Variants in ADCY2 observed in about 807,000 individuals in gnomAD.
ADCY2 encodes the protein adenylate cyclase 2, also known as adenylate cyclase type 2.
ADCY2 carries 31 observed loss-of-function variants against 125.2 expected under a neutral mutation model. The ratio of observed to expected loss-of-function variants is 0.25; its 90% CI spans 0.19 to 0.33. ADCY2 has a LOEUF of 0.33. ADCY2 is among the 10% of genes least tolerant of loss of function. The probability of loss-of-function intolerance (pLI) is 1.00; values close to 1 mark genes in which losing one functional copy is unlikely to be tolerated. For missense variants in ADCY2, 904 were observed against 1,418.2 expected (o/e 0.64, Z 5.82); for synonymous variants, 512 against 548.4 (o/e 0.93, Z 0.93).
chr5:7,614,793 G>A (rs1171308367), intron 3 of ADCY2, among the ~76,000 whole-genome samples: 1 of 152,226 alleles, frequency 6.6e-6, no homozygotes, highest in African/African-American at 2.4e-5. Flanking sequence ...ACACAGGTTT[G>A]CAGTGACTGC....
intron 3 of ADCY2, 53 bp downstream of exon 3, chr5:7,520,952 G>C: frequency 6.2e-7 from 1 of 1,602,512 alleles, no homozygotes; most frequent in Non-Finnish European, 8.5e-7. Context: ...CCACCAGGGG[G>C]TGAGGCAGGT....
intron 4 of ADCY2, among the ~76,000 whole-genome samples, chr5:7,634,627 A>C (rs1738430509): frequency 6.6e-6 from 1 of 152,186 alleles, no homozygotes; most frequent in Admixed American, 6.5e-5. Context: ...TAGTATTTTT[A>C]CATATATTCT....
At chr5:7,565,666 C>T (rs1413203191) in intron 3 of ADCY2, among the ~76,000 whole-genome samples, 2 of 152,176 alleles carry the variant, frequency 1.3e-5, no homozygotes, top group African/African-American at 2.4e-5. Flanking sequence ...GGGCATGTGT[C>T]TATATAACAA....
chr5:7,472,217 G>A (rs1742365895), intron 2 of ADCY2, among the ~76,000 whole-genome samples: 2 of 152,112 alleles, frequency 1.3e-5, no homozygotes, highest in Admixed American at 1.3e-4. Context: ...GTTTTTCTCT[G>A]GCTTTCTTTT....
intron 2 of ADCY2, among the ~76,000 whole-genome samples, chr5:7,515,191 T>C (rs1489528038): frequency 6.6e-6 from 1 of 152,240 alleles, no homozygotes; most frequent in Non-Finnish European, 1.5e-5. Context: ...GAGCTCTTAC[T>C]GCACACTCAC....
chr5:7,728,317 T>C (rs1034878896), intron 14 of ADCY2, among the ~76,000 whole-genome samples: 4 of 152,194 alleles, frequency 2.6e-5, no homozygotes, highest in African/African-American at 9.7e-5. Context: ...AAACCACTTT[T>C]GGGATACAAG....
chr5:7,641,271 A>G (rs997068145), intron 4 of ADCY2, among the ~76,000 whole-genome samples: 2 of 152,136 alleles, frequency 1.3e-5, no homozygotes, highest in Admixed American at 6.6e-5. Flanking sequence ...TGTCCATTAC[A>G]TCTGCCCCAA....
At chr5:7,690,908 C>T (rs1343972476) in intron 5 of ADCY2, 69 bp downstream of exon 5, 5 of 1,410,474 alleles carry the variant, frequency 3.5e-6, no homozygotes, top group Admixed American at 5.2e-5. Flanking sequence ...TGCCTGGGAT[C>T]TCACACCTCA....
chr5:7,450,653 TAAG>T (rs1283895323), intron 2 of ADCY2, among the ~76,000 whole-genome samples: 1 of 152,230 alleles, frequency 6.6e-6, no homozygotes, highest in Non-Finnish European at 1.5e-5. Flanking sequence ...CCTTCTGTTA[TAAG>T]AAGATGTCCT....
chr5:7,700,533 A>G (rs1741044115), intron 7 of ADCY2, among the ~76,000 whole-genome samples: 1 of 150,060 alleles, frequency 6.7e-6, no homozygotes. Context: ...CAGCGTTGGA[A>G]TTGTGAGCTT....
intron 5 of ADCY2, 70 bp from the exon 6 acceptor site, chr5:7,695,682 A>G (rs1021533197): frequency 3.4e-5 from 31 of 922,810 alleles, no homozygotes; most frequent in Non-Finnish European, 4.9e-5. Context: ...TAATGGAAAA[A>G]TTATTATTAC....
intron 3 of ADCY2, among the ~76,000 whole-genome samples, chr5:7,622,821 C>T (rs1341486727): frequency 6.6e-6 from 1 of 152,230 alleles, no homozygotes; most frequent in Non-Finnish European, 1.5e-5. Context: ...GGCCAGGCAG[C>T]ACAGCGGGGA....
intron 2 of ADCY2, among the ~76,000 whole-genome samples, chr5:7,503,928 G>A (rs766942428): frequency 6.6e-6 from 1 of 152,142 alleles, no homozygotes; most frequent in East Asian, 1.9e-4. Flanking sequence ...AGGCTTTTTC[G>A]AGAGCAGCAG....
intron 3 of ADCY2, among the ~76,000 whole-genome samples, chr5:7,601,824 A>G (rs760627710): frequency 6.6e-6 from 1 of 152,140 alleles, no homozygotes; most frequent in African/African-American, 2.4e-5. Flanking sequence ...GCATCAGAGT[A>G]TTCATTCCCT....
At chr5:7,773,210 T>G (rs1029630583) in intron 18 of ADCY2, 109 bp downstream of exon 18, 13 of 1,201,362 alleles carry the variant, frequency 1.1e-5, no homozygotes, top group Non-Finnish European at 1.1e-5. Context: ...CATTGATAAA[T>G]CATTCTGAGA....
At chr5:7,606,197 G>A (rs1737368928) in intron 3 of ADCY2, among the ~76,000 whole-genome samples, 1 of 152,120 alleles carries the variant, frequency 6.6e-6, no homozygotes, top group South Asian at 2.1e-4. Flanking sequence ...GATTTATCAA[G>A]CCAGACACTT....
At chr5:7,704,218 G>C (rs866857011) in intron 7 of ADCY2, among the ~76,000 whole-genome samples, 7 of 151,994 alleles carry the variant, frequency 4.6e-5, no homozygotes, top group Non-Finnish European at 1.0e-4. Flanking sequence ...TGCACACCTG[G>C]CACTTGGGTT....
At chr5:7,787,224 C>G (rs1744111582) in intron 19 of ADCY2, among the ~76,000 whole-genome samples, 1 of 152,196 alleles carries the variant, frequency 6.6e-6, no homozygotes, top group South Asian at 2.1e-4. Context: ...TCCTCTGTCT[C>G]CTCTGCAGCA....
chr5:7,566,336 A>G (rs1020956069), intron 3 of ADCY2, among the ~76,000 whole-genome samples: 1 of 152,154 alleles, frequency 6.6e-6, no homozygotes, highest in Non-Finnish European at 1.5e-5. Flanking sequence ...AATTAAAAAA[A>G]ATTAAAAAAA....
Sources: gnomAD v4.1 joint callset for allele counts (sites outside exome capture counted in the v4.1 genomes callset) on GRCh38, gnomAD v4.1.1 for gene constraint, MANE v1.5 for transcripts, NCBI Gene and HGNC (gene_info 2026-07-23, HGNC 2026-07-21) for gene names.